Variants in KIF6 observed in about 807,000 individuals in gnomAD.
KIF6 encodes the protein kinesin-like protein KIF6.
KIF6 carries 106 observed loss-of-function variants against 112.7 expected under a neutral mutation model. That is an observed-to-expected ratio of 0.94 (90% CI 0.80 to 1.11). The LOEUF is 1.11. Among genes scored for constraint, KIF6 ranks in the 50% least tolerant of loss-of-function variants. The pLI, the probability that KIF6 is intolerant of heterozygous loss-of-function variation, is 0.00. For synonymous variants in KIF6, 339 were observed against 339.9 expected, an observed-to-expected ratio of 1.00 and a Z score of 0.03; for missense variants, 929 against 964.0, an observed-to-expected ratio of 0.96 and a Z score of 0.48.
intron 15 of KIF6, among the ~76,000 whole-genome samples, chr6:39,396,122 A>G (rs1178438235): frequency 6.6e-6 from 1 of 152,216 alleles, no homozygotes; most frequent in East Asian, 1.9e-4. Context: ...TTGGTGCTTC[A>G]TGATGTGGGA....
intron 4 of KIF6, 58 bp downstream of exon 4, chr6:39,639,552 C>A: frequency 7.6e-7 from 1 of 1,320,920 alleles, no homozygotes; most frequent in Non-Finnish European, 1.0e-6. Context: ...TTCCTGCTTT[C>A]AGTATATTTT....
chr6:39,482,006 GCACACACACACA>G (rs143093562), intron 13 of KIF6, among the ~76,000 whole-genome samples: 5 of 141,132 alleles, frequency 3.5e-5, no homozygotes, highest in African/African-American at 1.3e-4. Context: ...GGACCTTTAG[GCACACACACACA>G]CACACACACA....
chr6:39,543,692 A>G (rs1415076791), intron 12 of KIF6, among the ~76,000 whole-genome samples: 1 of 152,228 alleles, frequency 6.6e-6, no homozygotes, highest in African/African-American at 2.4e-5. Flanking sequence ...AAATTCTGCA[A>G]ACGTAATGAA....
intron 13 of KIF6, among the ~76,000 whole-genome samples, chr6:39,479,737 T>C (rs1774682043): frequency 6.6e-6 from 1 of 152,200 alleles, no homozygotes; most frequent in East Asian, 1.9e-4. Flanking sequence ...GAGCATGGGA[T>C]GTGTTTCCAT....
chr6:39,454,674 G>GAGCC (rs1772933736), intron 13 of KIF6, among the ~76,000 whole-genome samples: 1 of 152,168 alleles, frequency 6.6e-6, no homozygotes, highest in South Asian at 2.1e-4. Flanking sequence ...CACCGTGCGC[G>GAGCC]AGCCGAAGCA....
chr6:39,354,107 C>A, intron 19 of KIF6: 1 of 341,398 alleles, frequency 2.9e-6, no homozygotes, highest in South Asian at 2.5e-5. Context: ...ATAGCTTAGC[C>A]CTGAAGGCCA....
In KIF6 at chr6:39,657,740, G is replaced by A. The variant is rs150829725; in HGVS notation, c.252-17983C>T. On this transcript the variant is annotated intron_variant, in intron 3 of 22. Coordinates refer to ENST00000287152, the MANE Select transcript of KIF6 (RefSeq NM_145027.6). Reference sequence around the variant, plus strand: ...AGGAATTTGGTGGAAATAAGTGATCGAATATGCAAATATTTACTGTGCACA... The same window carrying A: ...AGGAATTTGGTGGAAATAAGTGATCAAATATGCAAATATTTACTGTGCACA... Among the ~76,000 whole-genome samples, 8 of 152,228 alleles carry A rather than the reference G, an allele frequency of 5.3e-5. No individual in the cohort carries two copies. In the South Asian group the frequency reaches 1.0e-3, roughly 20 times the overall value.
At chr6:39,416,908 A>G (rs983374081) in intron 15 of KIF6, among the ~76,000 whole-genome samples, 2 of 152,096 alleles carry the variant, frequency 1.3e-5, no homozygotes, top group South Asian at 2.1e-4. Context: ...CGGCATCTCA[A>G]TCTTGCCTCA....
chr6:39,463,571 G>A (rs1229014283), intron 13 of KIF6, among the ~76,000 whole-genome samples: 4 of 152,098 alleles, frequency 2.6e-5, no homozygotes, highest in African/African-American at 7.2e-5. Flanking sequence ...TTATAAAAGT[G>A]TACTCATCTT....
At chr6:39,636,997 C>T (rs1784651079) in intron 4 of KIF6, among the ~76,000 whole-genome samples, 1 of 151,952 alleles carries the variant, frequency 6.6e-6, no homozygotes, top group Non-Finnish European at 1.5e-5. Flanking sequence ...GTGTGTGGCC[C>T]ATAACAGATA....
intron 3 of KIF6, among the ~76,000 whole-genome samples, chr6:39,640,025 CT>C (rs1784825571): frequency 6.6e-6 from 1 of 152,020 alleles, no homozygotes; most frequent in South Asian, 2.1e-4. Flanking sequence ...TTAGTACACA[CT>C]GGACTTGAAT....
intron 14 of KIF6, among the ~76,000 whole-genome samples, chr6:39,426,488 A>G (rs1290300351): frequency 2.0e-5 from 3 of 152,112 alleles, no homozygotes; most frequent in Admixed American, 1.3e-4. Context: ...ATTGGCTTAC[A>G]CCTGTAATCC....
At chr6:39,446,299 C>T (rs756888295) in intron 13 of KIF6, among the ~76,000 whole-genome samples, 1 of 152,152 alleles carries the variant, frequency 6.6e-6, no homozygotes, top group Non-Finnish European at 1.5e-5. Context: ...CTATCCAATG[C>T]CTTTGTAATG....
chr6:39,546,090 T>C (rs979023408), intron 10 of KIF6, among the ~76,000 whole-genome samples: 1 of 152,152 alleles, frequency 6.6e-6, no homozygotes, highest in Non-Finnish European at 1.5e-5. Context: ...ACCCCACTAT[T>C]TTTTTAATCA....
At chr6:39,495,911 G>A (rs1320510964) in intron 13 of KIF6, among the ~76,000 whole-genome samples, 1 of 152,150 alleles carries the variant, frequency 6.6e-6, no homozygotes, top group Non-Finnish European at 1.5e-5. Flanking sequence ...AAGTAATGGA[G>A]GGGGATACCT....
Position 39,354,008 on chromosome 6 carries a change from C to T in KIF6, c.2180+3269G>A, listed in dbSNP as rs117441874. ...GCCTCTGTTTTCACATGGGTCCAAG[C>T]CCAGATTGATAGATGACGATGGCAA... On this transcript the variant is annotated intron_variant, in intron 19 of 22. Transcript: ENST00000287152. 1.0e-3 allele frequency: 407 copies of T among 391,614 alleles called. 8 individuals are homozygous for T. The East Asian group carries it at 0.03, about 29-fold the overall frequency. The allele number at this position is 391,614 out of a possible 1,614,324, so 24.3% of individuals were successfully genotyped here. A position where few individuals can be genotyped will look rare whatever the true frequency, so the allele number is the denominator to read the frequency against.
chr6:39,353,813 C>A, intron 19 of KIF6: 1 of 363,030 alleles, frequency 2.8e-6, no homozygotes, highest in Non-Finnish European at 5.2e-6. Flanking sequence ...GTCCGGCATG[C>A]AGCAGATGCT....
chr6:39,494,854 G>A (rs762496601), intron 13 of KIF6, among the ~76,000 whole-genome samples: 7 of 151,866 alleles, frequency 4.6e-5, no homozygotes, highest in Non-Finnish European at 1.0e-4. Context: ...CAAATGTGGT[G>A]AATCCACAGG....
intron 5 of KIF6, among the ~76,000 whole-genome samples, chr6:39,627,865 A>G (rs1341911588): frequency 6.6e-6 from 1 of 152,156 alleles, no homozygotes; most frequent in Non-Finnish European, 1.5e-5. Flanking sequence ...ACTTCATGAG[A>G]CAAACTTAGA....
Sources: gnomAD v4.1 joint callset for allele counts (sites outside exome capture counted in the v4.1 genomes callset) on GRCh38, gnomAD v4.1.1 for gene constraint, MANE v1.5 for transcripts, NCBI Gene and HGNC (gene_info 2026-07-23, HGNC 2026-07-21) for gene names.